The following SLC24A2 variants were observed in gnomAD, a reference collection of about 807,000 sequenced individuals.
The protein encoded by SLC24A2 is solute carrier family 24 member 2, also known as sodium/potassium/calcium exchanger 2.
SLC24A2 carries 36 observed loss-of-function variants against 62.0 expected under a neutral mutation model. That is an observed-to-expected ratio of 0.58 (90% CI 0.44 to 0.77). SLC24A2 has a LOEUF of 0.77. Ranked by LOEUF, SLC24A2 falls within the 30% of genes least tolerant of loss-of-function variation. SLC24A2 has a pLI of 0.00. For missense variants in SLC24A2, 846 were observed against 817.9 expected (o/e 1.03, Z -0.42); for synonymous variants, 358 against 294.0 (o/e 1.22, Z -2.23).
intron 7 of SLC24A2, among the ~76,000 whole-genome samples, chr9:19,554,068 G>A (rs1834967241): frequency 6.6e-6 from 1 of 152,160 alleles, no homozygotes; most frequent in African/African-American, 2.4e-5. Flanking sequence ...AAGGCCACTA[G>A]TGTGGGTCCT....
chr9:20,088,397 C>G, the SLC24A2 span, among the ~76,000 whole-genome samples: 1 of 152,128 alleles, frequency 6.6e-6, no homozygotes, highest in Non-Finnish European at 1.5e-5. Flanking sequence ...GGGACTGGAG[C>G]AGTCCTCCGA....
At chr9:20,093,081 G>GA in the SLC24A2 span, among the ~76,000 whole-genome samples, 4 of 150,414 alleles carry the variant, frequency 2.7e-5, no homozygotes, top group African/African-American at 9.8e-5. Flanking sequence ...TCTGTTTTTT[G>GA]TTTTTTTTAG....
intron 7 of SLC24A2, among the ~76,000 whole-genome samples, chr9:19,556,736 C>T (rs543710605): frequency 1.1e-4 from 16 of 152,240 alleles, no homozygotes; most frequent in South Asian, 6.2e-4. Context: ...TCAGCACTTA[C>T]GTATTTTACA....
intron 2 of SLC24A2, among the ~76,000 whole-genome samples, chr9:19,673,600 C>A (rs1363958042): frequency 6.6e-6 from 1 of 152,176 alleles, no homozygotes; most frequent in East Asian, 1.9e-4. Context: ...AGGTGTGCAC[C>A]ACCATGCCCA....
At chr9:20,015,211 C>T in the SLC24A2 span, among the ~76,000 whole-genome samples, 1 of 152,140 alleles carries the variant, frequency 6.6e-6, no homozygotes, top group African/African-American at 2.4e-5. Flanking sequence ...CTGGGCCTAA[C>T]CTCAGCAGGT....
the SLC24A2 span, among the ~76,000 whole-genome samples, chr9:20,164,106 G>A: frequency 6.6e-6 from 1 of 152,032 alleles, no homozygotes; most frequent in Admixed American, 6.6e-5. Context: ...CAAAAGCAAT[G>A]GCAACAAAAG....
chr9:20,224,704 G>A, the SLC24A2 span, among the ~76,000 whole-genome samples: 8 of 151,960 alleles, frequency 5.3e-5, no homozygotes, highest in African/African-American at 1.9e-4. Context: ...GAGGGAGGGA[G>A]GGATGGAGGG....
chr9:19,612,689 C>T (rs1170949219), intron 4 of SLC24A2, among the ~76,000 whole-genome samples: 2 of 152,150 alleles, frequency 1.3e-5, no homozygotes, highest in East Asian at 3.9e-4. Flanking sequence ...TACCTCTCTG[C>T]TCATTCACTG....
intron 2 of SLC24A2, among the ~76,000 whole-genome samples, chr9:19,658,133 C>T (rs1818994398): frequency 6.6e-6 from 1 of 152,210 alleles, no homozygotes; most frequent in South Asian, 2.1e-4. Context: ...TGCCCTCTGG[C>T]AAGTAGAGGT....
chr9:19,696,738 A>G (rs566668450), intron 2 of SLC24A2, among the ~76,000 whole-genome samples: 1 of 152,214 alleles, frequency 6.6e-6, no homozygotes, highest in African/African-American at 2.4e-5. Context: ...CTCCACAAAC[A>G]TAGCACTTCT....
the SLC24A2 span, among the ~76,000 whole-genome samples, chr9:19,897,322 T>A: frequency 1.3e-5 from 2 of 152,300 alleles, no homozygotes; most frequent in East Asian, 3.9e-4. Context: ...TATTTATAAA[T>A]GTGAAAAATA....
chr9:20,170,350 C>T, the SLC24A2 span, among the ~76,000 whole-genome samples: 1 of 152,024 alleles, frequency 6.6e-6, no homozygotes, highest in African/African-American at 2.4e-5. Context: ...ATTGCAAGAG[C>T]ACAGAGAGCA....
the SLC24A2 span, among the ~76,000 whole-genome samples, chr9:19,812,189 C>A: frequency 1.3e-5 from 2 of 152,000 alleles, no homozygotes; most frequent in African/African-American, 4.8e-5. Flanking sequence ...TTTTTCTTAG[C>A]TGCTCTGTGG....
the SLC24A2 span, among the ~76,000 whole-genome samples, chr9:19,824,109 C>A: frequency 2.0e-5 from 3 of 152,164 alleles, no homozygotes; most frequent in East Asian, 5.8e-4. Flanking sequence ...GACATAGGCA[C>A]GGACAAGGAC....
intron 4 of SLC24A2, among the ~76,000 whole-genome samples, chr9:19,613,511 A>C (rs1817684121): frequency 6.6e-6 from 1 of 152,176 alleles, no homozygotes; most frequent in South Asian, 2.1e-4. Context: ...CAAAAAGGTC[A>C]ATCCTAAACA....
the SLC24A2 span, among the ~76,000 whole-genome samples, chr9:20,124,685 AC>A: frequency 6.6e-6 from 1 of 152,130 alleles, no homozygotes; most frequent in African/African-American, 2.4e-5. Context: ...TATGCACTAG[AC>A]TTTTCATAAT....
chr9:19,567,630 G>A (rs1252756545), intron 7 of SLC24A2, among the ~76,000 whole-genome samples: 2 of 146,562 alleles, frequency 1.4e-5, no homozygotes, highest in African/African-American at 5.1e-5. Context: ...ACGTCATAAT[G>A]TGATTAATTT....
chr9:20,158,393 C>G, the SLC24A2 span, among the ~76,000 whole-genome samples: 81 of 151,736 alleles, frequency 5.3e-4, no homozygotes, highest in African/African-American at 1.9e-3. Flanking sequence ...GGTCCACCCC[C>G]ATGATTCAGA....
chr9:19,922,647 C>CA, the SLC24A2 span, among the ~76,000 whole-genome samples: 1 of 152,148 alleles, frequency 6.6e-6, no homozygotes, highest in Non-Finnish European at 1.5e-5. Context: ...AGCATCCTAA[C>CA]AGTCACTGTA....
Sources: allele counts gnomAD v4.1 joint callset (sites outside exome capture counted in the v4.1 genomes callset), GRCh38; gene constraint gnomAD v4.1.1; transcripts MANE v1.5; gene names NCBI Gene and HGNC (gene_info 2026-07-23, HGNC 2026-07-21).